The following DOCK3 variants were observed in gnomAD, a reference collection of about 807,000 sequenced individuals.
The protein encoded by DOCK3 is dedicator of cytokinesis 3, also known as dedicator of cytokinesis protein 3.
In DOCK3, 60 loss-of-function variants were observed where a neutral mutation model predicts 265.6. That is an observed-to-expected ratio of 0.23 (90% CI 0.18 to 0.28). The LOEUF is 0.28. Among genes scored for constraint, DOCK3 ranks in the 10% least tolerant of loss-of-function variants. DOCK3 has a pLI of 1.00. For synonymous variants in DOCK3, 881 were observed against 938.0 expected, an observed-to-expected ratio of 0.94 and a Z score of 1.11; for missense variants, 1,981 against 2,594.3, an observed-to-expected ratio of 0.76 and a Z score of 5.14.
At chr3:51,157,465 C>G (rs913666494) in intron 10 of DOCK3, among the ~76,000 whole-genome samples, 1 of 152,122 alleles carries the variant, frequency 6.6e-6, no homozygotes, top group Admixed American at 6.5e-5. Flanking sequence ...AGGCTGGTCT[C>G]GAACTCCTGA....
chr3:51,009,126 C>A (rs879237787), intron 5 of DOCK3, among the ~76,000 whole-genome samples: 1 of 152,094 alleles, frequency 6.6e-6, no homozygotes, highest in African/African-American at 2.4e-5. Context: ...ATGATGCTGG[C>A]CTCATAAAAT....
chr3:51,109,618 C>G (rs533904251), intron 9 of DOCK3, among the ~76,000 whole-genome samples: 1 of 152,010 alleles, frequency 6.6e-6, no homozygotes, highest in South Asian at 2.1e-4. Context: ...ATTAGCTAGA[C>G]TAATAAGAAA....
At chr3:51,306,360 T>C (rs985091018) in intron 27 of DOCK3, among the ~76,000 whole-genome samples, 1 of 152,254 alleles carries the variant, frequency 6.6e-6, no homozygotes, top group African/African-American at 2.4e-5. Flanking sequence ...TTTTTGGCTT[T>C]TGACACTTTT....
chr3:50,802,227 T>C (rs1051750901), intron 2 of DOCK3, among the ~76,000 whole-genome samples: 1 of 152,190 alleles, frequency 6.6e-6, no homozygotes, highest in Non-Finnish European at 1.5e-5. Context: ...CCTATTATTT[T>C]ACTGTTTTCT....
At chr3:50,989,509 C>T (rs1346501934) in intron 5 of DOCK3, among the ~76,000 whole-genome samples, 1 of 152,154 alleles carries the variant, frequency 6.6e-6, no homozygotes, top group Non-Finnish European at 1.5e-5. Context: ...TAAGTGCCAC[C>T]AACTGGATTA....
chr3:51,193,758 A>G (rs969030031), intron 12 of DOCK3, among the ~76,000 whole-genome samples: 1 of 145,698 alleles, frequency 6.9e-6, no homozygotes, highest in African/African-American at 2.5e-5. Context: ...TATCAGTTGT[A>G]ATGTCTTCTT....
chr3:51,006,853 T>C (rs2078698461), intron 5 of DOCK3, among the ~76,000 whole-genome samples: 1 of 152,160 alleles, frequency 6.6e-6, no homozygotes, highest in Non-Finnish European at 1.5e-5. Flanking sequence ...AATTCCCACC[T>C]ATGAGTGAGA....
intron 3 of DOCK3, among the ~76,000 whole-genome samples, chr3:50,850,414 T>G (rs2046304255): frequency 6.6e-6 from 1 of 152,172 alleles, no homozygotes; most frequent in Non-Finnish European, 1.5e-5. Flanking sequence ...TTGGATCTTG[T>G]TGAGCTTCCT....
In DOCK3 at chr3:50,778,727, A is replaced by C; in HGVS notation, c.90A>C (p.Gly30=). The C allele has an allele frequency of 6.3e-7, 1 of 1,587,460 alleles. No individual in the cohort carries two copies. Among genetic ancestry groups the C allele is most frequent in the Non-Finnish European group, 8.6e-7 (1 of 1,165,752 alleles). Residue 30 remains glycine, a synonymous_variant, in exon 2 of 53, where the codon GGA becomes GGC. Coordinates refer to ENST00000266037, the MANE Select transcript of DOCK3 (RefSeq NM_004947.5). The stretch of plus-strand genomic sequence containing the variant: ...CTCAAGGGTTGGTCTTAGAAATAGG[A>C]GAAACAGTCCAGATTCTTGAAAAAT... ...SVPQGLVLEI[G]ETVQILEKCE...
rs181382857 is a variant in DOCK3 at position 50,845,954 on chromosome 3, C to G, written c.162+4239C>G. Among the ~76,000 whole-genome samples the G allele has an allele frequency of 1.6e-3, 248 of 152,280 alleles. 1 individual carries two copies. Among genetic ancestry groups the G allele is most frequent in the Admixed American group, 6.5e-3 (100 of 15,298 alleles). ...GATGGATTTGTGGAGATTCATTATACTGTTGTCTAATTTTGTCTGTATTTG... is the reference window on the plus strand; with the variant it reads ...GATGGATTTGTGGAGATTCATTATAGTGTTGTCTAATTTTGTCTGTATTTG... On this transcript the variant is annotated intron_variant, in intron 3 of 52. Transcript: ENST00000266037.
intron 6 of DOCK3, among the ~76,000 whole-genome samples, chr3:51,069,899 C>A (rs1338712017): frequency 6.6e-6 from 1 of 152,142 alleles, no homozygotes; most frequent in Non-Finnish European, 1.5e-5. Context: ...TGATATTTTC[C>A]AGCGTTAGGA....
chr3:51,310,458 C>T, intron 28 of DOCK3, 132 bp downstream of exon 28: 1 of 790,530 alleles, frequency 1.3e-6, no homozygotes, highest in Non-Finnish European at 2.0e-6. Flanking sequence ...GAGGAGAGGG[C>T]AAATGAGAAA....
intron 27 of DOCK3, among the ~76,000 whole-genome samples, chr3:51,300,908 C>A (rs1334955347): frequency 6.6e-6 from 1 of 152,182 alleles, no homozygotes; most frequent in Non-Finnish European, 1.5e-5. Context: ...CAGGATGATG[C>A]TGGCCTCATA....
intron 4 of DOCK3, 105 bp from the exon 5 acceptor site, chr3:50,933,876 G>T (rs1010359162): frequency 9.2e-6 from 6 of 653,330 alleles, no homozygotes; most frequent in Non-Finnish European, 1.0e-5. Flanking sequence ...TTTTTTATTT[G>T]CATAAATTTA....
intron 35 of DOCK3, among the ~76,000 whole-genome samples, chr3:51,333,747 A>G (rs908223373): frequency 5.3e-5 from 8 of 152,030 alleles, no homozygotes; most frequent in South Asian, 2.1e-4. Context: ...TCTAAAATCT[A>G]TGTATTTCTG....
chr3:51,306,804 G>C (rs943989508), intron 27 of DOCK3, among the ~76,000 whole-genome samples: 2 of 152,092 alleles, frequency 1.3e-5, no homozygotes, highest in African/African-American at 2.4e-5. Context: ...GTGAGTCATT[G>C]TTCTTACACT....
intron 3 of DOCK3, among the ~76,000 whole-genome samples, chr3:50,844,078 A>G (rs1370045633): frequency 6.6e-6 from 1 of 152,228 alleles, no homozygotes; most frequent in East Asian, 1.9e-4. Flanking sequence ...TTTCATAGAT[A>G]TTAGTGGTTA....
intron 7 of DOCK3, among the ~76,000 whole-genome samples, chr3:51,087,607 A>G (rs926306197): frequency 6.6e-6 from 1 of 152,188 alleles, no homozygotes; most frequent in African/African-American, 2.4e-5. Flanking sequence ...CTCCTATTCA[A>G]CATAGTACTT....
intron 1 of DOCK3, among the ~76,000 whole-genome samples, chr3:50,728,536 A>T (rs559639569): frequency 7.9e-4 from 121 of 152,282 alleles, no homozygotes; most frequent in Non-Finnish European, 1.2e-3. Context: ...GAAAGTATTG[A>T]TAAAAATGAT....
Sources: gnomAD v4.1 joint callset for allele counts (sites outside exome capture counted in the v4.1 genomes callset) on GRCh38, gnomAD v4.1.1 for gene constraint, MANE v1.5 for transcripts, NCBI Gene and HGNC (gene_info 2026-07-23, HGNC 2026-07-21) for gene names.